The following HCK variants were observed in gnomAD, a reference collection of about 807,000 sequenced individuals.
The protein encoded by HCK is tyrosine-protein kinase HCK.
In HCK, 40 loss-of-function variants were observed where a neutral mutation model predicts 70.4. That is an observed-to-expected ratio of 0.57 (90% CI 0.44 to 0.74). HCK has a LOEUF of 0.74. Among genes scored for constraint, HCK ranks in the 30% least tolerant of loss-of-function variants. HCK has a pLI of 0.00. For missense variants in HCK, 568 were observed against 697.2 expected (o/e 0.81, Z 2.09); for synonymous variants, 245 against 263.2 (o/e 0.93, Z 0.67).
intron 1 of HCK, chr20:32,069,823 GT>G (rs1012009849): frequency 5.9e-5 from 68 of 1,151,272 alleles, no homozygotes; most frequent in Non-Finnish European, 7.4e-5. Flanking sequence ...GGAGTTTGGG[GT>G]TTTTTTCCTT....
intron 5 of HCK, among the ~76,000 whole-genome samples, chr20:32,076,058 C>T (rs1440059258): frequency 6.6e-6 from 1 of 152,170 alleles, no homozygotes; most frequent in Non-Finnish European, 1.5e-5. Context: ...CATGGTGGCT[C>T]ACACCTGTAA....
intron 8 of HCK, among the ~76,000 whole-genome samples, chr20:32,085,900 C>T (rs893917598): frequency 6.6e-6 from 1 of 152,110 alleles, no homozygotes; most frequent in Non-Finnish European, 1.5e-5. Context: ...CATGTAGGGC[C>T]TGGGGGTCAT....
At chr20:32,092,697 C>G (rs980271298) in intron 10 of HCK, among the ~76,000 whole-genome samples, 1 of 152,048 alleles carries the variant, frequency 6.6e-6, no homozygotes, top group African/African-American at 2.4e-5. Flanking sequence ...AACTTCAACT[C>G]TCCCCACTCT....
At position 32,052,842 on chromosome 20, in the gene HCK, T is replaced by G. The variant is rs539588903; in HGVS notation, c.62+356T>G. 1.7e-4 allele frequency among the ~76,000 whole-genome samples: 25 copies of G among 148,528 alleles called. No homozygotes were observed. The East Asian group carries it at 4.9e-3, about 29-fold the overall frequency. On this transcript the variant is annotated intron_variant, in intron 1 of 12. Coordinates refer to ENST00000375852, the MANE Select transcript of HCK (RefSeq NM_002110.5). ...AAGAAAAAGAAGGAAGGGATGGGGCTTCACAGAACCCGGGAAGGGGAAGGC... is the reference window on the plus strand; with the variant it reads ...AAGAAAAAGAAGGAAGGGATGGGGCGTCACAGAACCCGGGAAGGGGAAGGC...
At chr20:32,098,317 C>T (rs1380693876) in intron 11 of HCK, among the ~76,000 whole-genome samples, 2 of 152,044 alleles carry the variant, frequency 1.3e-5, no homozygotes, top group African/African-American at 4.8e-5. Flanking sequence ...AGGCACAAGC[C>T]ACCATACCTG....
chr20:32,055,580 G>C (rs1174809204), intron 1 of HCK, among the ~76,000 whole-genome samples: 1 of 152,038 alleles, frequency 6.6e-6, no homozygotes, highest in Non-Finnish European at 1.5e-5. Context: ...ATATTCCACT[G>C]TTTGCCTGTA....
chr20:32,063,228 G>A (rs58814478), intron 1 of HCK, among the ~76,000 whole-genome samples: 3,717 of 152,162 alleles, frequency 0.024, 81 homozygotes, highest in African/African-American at 0.064. Flanking sequence ...TCCATTACAC[G>A]AATGTGTATG....
At chr20:32,067,143 A>T (rs1406547615) in intron 1 of HCK, among the ~76,000 whole-genome samples, 1 of 152,152 alleles carries the variant, frequency 6.6e-6, no homozygotes, top group Non-Finnish European at 1.5e-5. Flanking sequence ...TTCACCCAAT[A>T]AGTATTTTAG....
intron 1 of HCK, among the ~76,000 whole-genome samples, chr20:32,057,378 TC>T (rs1191018136): frequency 2.6e-5 from 4 of 152,240 alleles, no homozygotes; most frequent in African/African-American, 9.6e-5. Flanking sequence ...GACAGGCAGA[TC>T]ATCTGAGCTC....
chr20:32,097,720 T>TACACAC (rs139002310), intron 11 of HCK, among the ~76,000 whole-genome samples: 1 of 151,584 alleles, frequency 6.6e-6, no homozygotes, highest in East Asian at 1.9e-4. Flanking sequence ...AGAAAACATA[T>TACACAC]ACACACACAC....
intron 1 of HCK, among the ~76,000 whole-genome samples, chr20:32,064,476 G>A (rs1280564189): frequency 6.6e-6 from 1 of 152,180 alleles, no homozygotes; most frequent in African/African-American, 2.4e-5. Flanking sequence ...TTCTATGCAG[G>A]AAAGAGCTGC....
intron 1 of HCK, among the ~76,000 whole-genome samples, chr20:32,058,419 C>A (rs2045307169): frequency 6.6e-6 from 1 of 151,596 alleles, no homozygotes; most frequent in Non-Finnish European, 1.5e-5. Context: ...GTAATTTCAG[C>A]TACTTGGGAA....
chr20:32,071,043 G>A (rs1272423281), intron 1 of HCK, among the ~76,000 whole-genome samples: 2 of 152,102 alleles, frequency 1.3e-5, no homozygotes, highest in African/African-American at 2.4e-5. Context: ...GTAATACGGT[G>A]CCTTGACAAA....
chr20:32,071,111 A>C (rs2045531527), intron 1 of HCK, among the ~76,000 whole-genome samples: 1 of 152,238 alleles, frequency 6.6e-6, no homozygotes, highest in Non-Finnish European at 1.5e-5. Flanking sequence ...TAAAAATGGC[A>C]ATTTATCATC....
chr20:32,073,222 G>C lies in HCK; in HGVS notation c.184-97G>C, dbSNP rs573090198. On this transcript the variant is annotated intron_variant, in intron 2 of 12. Transcript: ENST00000375852. ...CCTCCTCCCACGACATGCAGGGCTA[G>C]GGTAAGATGCTCTTGGGTGTCCTTC... The C allele has an allele frequency of 1.7e-5, 17 of 1,008,096 alleles. No individual in the cohort carries two copies. In the South Asian group the frequency reaches 1.9e-4, roughly 11 times the overall value. The allele number at this position is 1,008,096 out of a possible 1,614,324, so 62.4% of individuals were successfully genotyped here.
intron 6 of HCK, among the ~76,000 whole-genome samples, chr20:32,081,933 G>A (rs1483306749): frequency 4.6e-5 from 7 of 152,190 alleles, no homozygotes; most frequent in Non-Finnish European, 1.0e-4. Flanking sequence ...AATTTTAGCC[G>A]ATTTAATAAA....
intron 1 of HCK, among the ~76,000 whole-genome samples, chr20:32,064,097 A>G (rs1029797169): frequency 3.7e-5 from 5 of 135,276 alleles, no homozygotes; most frequent in Non-Finnish European, 7.6e-5. Flanking sequence ...TCCACCTCCC[A>G]GGTTCAAGCA....
At chr20:32,076,125 C>T (rs898994743) in intron 5 of HCK, among the ~76,000 whole-genome samples, 2 of 152,102 alleles carry the variant, frequency 1.3e-5, no homozygotes, top group Admixed American at 6.5e-5. Context: ...GAGTTCGAGA[C>T]CAGCCTGACC....
At chr20:32,056,473 G>A (rs2045274031) in intron 1 of HCK, among the ~76,000 whole-genome samples, 2 of 151,698 alleles carry the variant, frequency 1.3e-5, no homozygotes, top group South Asian at 4.2e-4. Context: ...CCGAGATCGA[G>A]CCACTGCACT....
Sources: gnomAD v4.1 joint callset for allele counts (sites outside exome capture counted in the v4.1 genomes callset) on GRCh38, gnomAD v4.1.1 for gene constraint, MANE v1.5 for transcripts, NCBI Gene and HGNC (gene_info 2026-07-23, HGNC 2026-07-21) for gene names.